KIF26A: variants seen among roughly 807,000 people sequenced by gnomAD.
The protein encoded by KIF26A is kinesin-like protein KIF26A.
A neutral mutation model predicts 126.0 loss-of-function variants in KIF26A; 74 were observed. The observed-to-expected ratio is 0.59, with a 90% CI of 0.49 to 0.71. KIF26A has a LOEUF of 0.71. Ranked by LOEUF, KIF26A falls within the 30% of genes least tolerant of loss-of-function variation. The probability of loss-of-function intolerance (pLI) is 0.00; values close to 1 mark genes in which losing one functional copy is unlikely to be tolerated. For missense variants in KIF26A, 2,984 were observed against 2,763.3 expected, an observed-to-expected ratio of 1.08 and a Z score of -1.79; for synonymous variants, 1,445 against 1,232.7, an observed-to-expected ratio of 1.17 and a Z score of -3.61.
intron 4 of KIF26A, among the ~76,000 whole-genome samples, chr14:104,159,506 C>T (rs547703521): frequency 6.6e-5 from 10 of 152,350 alleles, no homozygotes; most frequent in South Asian, 2.1e-4. Flanking sequence ...CAGGCCGGTG[C>T]GTTGGTGACC....
chr14:104,165,258 T>C (rs1339268191), intron 4 of KIF26A, among the ~76,000 whole-genome samples: 1 of 151,880 alleles, frequency 6.6e-6, no homozygotes, highest in East Asian at 1.9e-4. Context: ...CATATGCATG[T>C]GTGTGTCTGT....
At chr14:104,165,029 GTGTC>G (rs757979169) in intron 4 of KIF26A, among the ~76,000 whole-genome samples, 1 of 151,526 alleles carries the variant, frequency 6.6e-6, no homozygotes, top group Non-Finnish European at 1.5e-5. Context: ...GCCTCTGTGT[GTGTC>G]TGTATGTGTA....
Position 104,176,627 on chromosome 14 carries a change from C to G in KIF26A, c.3839C>G (p.Ala1280Gly), listed in dbSNP as rs1263832126. 1.9e-6 allele frequency: 3 copies of G among 1,607,672 alleles called. No individual in the cohort carries two copies. The highest frequency in any genetic ancestry group is 2.5e-6 in the Non-Finnish European group (3 of 1,178,386). ...LPEAQVMLAC[A>G]QRVVDGCEVA... is the part of the protein sequence containing the mutation. ...GAGGCCCAGGTGATGCTAGCCTGTG[C>G]CCAGAGAGTGGTGGACGGGTGTGAG... Residue 1280 changes from alanine to glycine, a missense_variant, in exon 12 of 15, where the codon GCC (alanine) becomes GGC (glycine). Physicochemically the swap from Ala to Gly is moderately conservative, Grantham distance 60. Transcript: ENST00000423312.
chr14:104,150,660 C>A (rs2037720751), intron 2 of KIF26A, among the ~76,000 whole-genome samples: 1 of 152,118 alleles, frequency 6.6e-6, no homozygotes, highest in African/African-American at 2.4e-5. Flanking sequence ...GAGAAATGGG[C>A]ACGTTTGAGA....
chr14:104,163,357 T>C (rs1177650793), intron 4 of KIF26A, among the ~76,000 whole-genome samples: 3 of 152,288 alleles, frequency 2.0e-5, no homozygotes, highest in African/African-American at 7.2e-5. Flanking sequence ...TCTTGCCCTG[T>C]GGACAGACGC....
At chr14:104,165,051 C>T (rs1409448204) in intron 4 of KIF26A, among the ~76,000 whole-genome samples, 1 of 150,290 alleles carries the variant, frequency 6.7e-6, no homozygotes, top group African/African-American at 2.5e-5. Context: ...GTATGTGTGT[C>T]TGTGTGTCTC....
intron 4 of KIF26A, among the ~76,000 whole-genome samples, chr14:104,158,199 G>T (rs893133914): frequency 2.0e-5 from 3 of 152,250 alleles, no homozygotes; most frequent in Non-Finnish European, 4.4e-5. Context: ...CCAGGACCCT[G>T]CCTGAGTTGG....
Position 104,176,802 on chromosome 14 carries a change from C to T in KIF26A, c.4014C>T (p.Ala1338=), listed in dbSNP as rs1423001454. The stretch of plus-strand genomic sequence containing the variant: ...TGGCCTGCTCGGGGAGCCTGAAGGC[C>T]TCCCCCACCAGCAAGAAGGGTCTGG... ...EVVACSGSLK[A]SPTSKKGLAP... is the part of the protein sequence containing the mutation. Residue 1338 remains alanine (A), a synonymous_variant, in exon 12 of 15, where the codon GCC becomes GCT. Transcript: ENST00000423312. 3 of 1,565,742 alleles carry T rather than the reference C, an allele frequency of 1.9e-6. No homozygotes were observed. The highest frequency in any genetic ancestry group is 1.9e-5 in the Admixed American group (1 of 53,366).
chr14:104,167,121 G>A (rs1427934989), intron 5 of KIF26A, 73 bp downstream of exon 5: 5 of 1,375,960 alleles, frequency 3.6e-6, no homozygotes, highest in South Asian at 3.2e-5. Flanking sequence ...GGAGGGGTGA[G>A]GGAGTGGAGG....
At chr14:104,159,750 G>A (rs1362483539) in intron 4 of KIF26A, among the ~76,000 whole-genome samples, 9 of 152,210 alleles carry the variant, frequency 5.9e-5, no homozygotes, top group East Asian at 1.9e-4. Context: ...GTGGCAGGTC[G>A]TGGTTCAGGT....
At chr14:104,145,031 T>C (rs1191298388) in intron 2 of KIF26A, among the ~76,000 whole-genome samples, 1 of 152,216 alleles carries the variant, frequency 6.6e-6, no homozygotes, top group African/African-American at 2.4e-5. Context: ...CGTCAGCCTC[T>C]GAGCTCTGCA....
Position 104,175,582 on chromosome 14 carries a change from G to A in KIF26A, c.2794G>A (p.Glu932Lys), listed in dbSNP as rs768918519. The change falls in exon 12 of 15, where the codon GAG (glutamate) becomes AAG (lysine). Residue 932 changes from glutamate to lysine, a missense_variant. Physicochemically the swap from Glu to Lys is moderately conservative, Grantham distance 56. Transcript: ENST00000423312. Reference sequence around the variant, plus strand: ...GAGAGAGGACAGCAGCGCTTGGCCTGAGCTGCTGGTCCCGGAAAAGGCTGC... The same window carrying A: ...GAGAGAGGACAGCAGCGCTTGGCCTAAGCTGCTGGTCCCGGAAAAGGCTGC... ...DQREDSSAWP[E>K]LLVPEKAAVS... The A allele has an allele frequency of 4.4e-6, 7 of 1,608,844 alleles. No homozygotes were observed. The highest frequency in any genetic ancestry group is 5.1e-6 in the Non-Finnish European group (6 of 1,179,660).
chr14:104,174,251 ACACT>A lies in KIF26A; in HGVS notation c.2137_2140del (p.Leu713AlafsTer108), dbSNP rs2037992148. Reference sequence around the variant, plus strand: ...GGATGCGCCAGCCCAGCACGCAGAGACACTCAGCACCGTGCAGCTCGCCGCCCGC... The same window carrying A: ...GGATGCGCCAGCCCAGCACGCAGAGACAGCACCGTGCAGCTCGCCGCCCGC... On this transcript the variant is annotated frameshift_variant, in exon 11 of 15. Coordinates refer to ENST00000423312, the MANE Select transcript of KIF26A (RefSeq NM_015656.2). LOFTEE classifies it high-confidence loss of function. 4 of 1,575,710 alleles carry A rather than the reference ACACT, an allele frequency of 2.5e-6. No homozygotes were observed. The highest frequency in any genetic ancestry group is 3.4e-6 in the Non-Finnish European group (4 of 1,162,418).
Position 104,176,207 on chromosome 14 carries a change from G to T in KIF26A, c.3419G>T (p.Gly1140Val), listed in dbSNP as rs1416630912. The T allele has an allele frequency of 7.5e-6, 12 of 1,601,764 alleles. No homozygotes were observed. The highest frequency in any genetic ancestry group is 1.0e-5 in the Non-Finnish European group (12 of 1,175,288). ...QPRFSPDSLA[G>V]LDPGGPPALD... Reference sequence around the variant, plus strand: ...CGCTTCAGCCCCGACTCGCTGGCAGGGCTTGACCCTGGGGGCCCCCCTGCC... The same window carrying T: ...CGCTTCAGCCCCGACTCGCTGGCAGTGCTTGACCCTGGGGGCCCCCCTGCC... The change falls in exon 12 of 15, where the codon GGG becomes GTG. Residue 1140 changes from glycine (G) to valine (V), a missense_variant. Coordinates refer to ENST00000423312, the MANE Select transcript of KIF26A (RefSeq NM_015656.2).
chr14:104,179,169 C>A, intron 13 of KIF26A, 67 bp from the exon 14 acceptor site: 1 of 1,401,144 alleles, frequency 7.1e-7, no homozygotes, highest in Non-Finnish European at 9.3e-7. Flanking sequence ...GGGGCCACAT[C>A]AGGGCTGCTT....
rs1028287412 is a variant in KIF26A at position 104,174,164 on chromosome 14, A to C, written c.2047A>C (p.Met683Leu). The C allele has an allele frequency of 1.3e-6, 2 of 1,585,534 alleles. No individual in the cohort carries two copies. Among genetic ancestry groups the C allele is most frequent in the Admixed American group, 1.7e-5 (1 of 57,612 alleles). Reference sequence around the variant, plus strand: ...GACCCGCAGGGACCACAGGCTCACCATGCTGCTGCGTGAATCCCTGGCCAC... The same window carrying C: ...GACCCGCAGGGACCACAGGCTCACCCTGCTGCTGCGTGAATCCCTGGCCAC... ...HVPYRDHRLT[M>L]LLRESLATAG... Residue 683 changes from methionine to leucine, a missense_variant, in exon 11 of 15, where the codon ATG (methionine) becomes CTG (leucine). Met to Leu is a conservative substitution (Grantham distance 15). Coordinates refer to ENST00000423312, the MANE Select transcript of KIF26A (RefSeq NM_015656.2).
chr14:104,154,358 A>C (rs1430765119), intron 3 of KIF26A, among the ~76,000 whole-genome samples: 1 of 152,120 alleles, frequency 6.6e-6, no homozygotes, highest in East Asian at 1.9e-4. Flanking sequence ...GCTGAACGTT[A>C]CTGGGTCTGG....
Position 104,175,480 on chromosome 14 carries a change from A to AC in KIF26A, c.2696dup (p.Arg900SerfsTer14). The AC allele has an allele frequency of 6.3e-7, 1 of 1,593,152 alleles. No individual in the cohort carries two copies. Among genetic ancestry groups the AC allele is most frequent in the Non-Finnish European group, 8.5e-7 (1 of 1,176,960 alleles). The stretch of plus-strand genomic sequence containing the variant: ...CGTGGGCACCCCGATGGCTGCCAGC[A>AC]CCCCTCGAGGCAGTTCTGGTCCAGA... On this transcript the variant is annotated frameshift_variant, in exon 12 of 15. Transcript: ENST00000423312. LOFTEE classifies it high-confidence loss of function.
In KIF26A at chr14:104,172,970, C is replaced by A; in HGVS notation, c.1421-7C>A. 1 of 1,581,906 alleles carries A rather than the reference C, an allele frequency of 6.3e-7. No homozygotes were observed. Among genetic ancestry groups the A allele is most frequent in the Non-Finnish European group, 8.6e-7 (1 of 1,160,918 alleles). ...GTGGTGGGGCCTGACGCCTGCGTGG[C>A]CCCCAGGCAAGTCGTACACCATGAT... On this transcript the variant is annotated splice_region_variant and splice_polypyrimidine_tract_variant and intron_variant, in intron 7 of 14. Transcript: ENST00000423312.
Sources: allele counts gnomAD v4.1 joint callset (sites outside exome capture counted in the v4.1 genomes callset), GRCh38; gene constraint gnomAD v4.1.1; transcripts MANE v1.5; gene names NCBI Gene and HGNC (gene_info 2026-07-23, HGNC 2026-07-21).